IKZF2: variants seen among roughly 807,000 people sequenced by gnomAD.
The protein encoded by IKZF2 is zinc finger protein Helios.
A neutral mutation model predicts 49.2 loss-of-function variants in IKZF2; 15 were observed. The observed-to-expected ratio is 0.30, with a 90% CI of 0.20 to 0.47. The LOEUF (loss-of-function observed/expected upper bound fraction) is 0.47. Ranked by LOEUF, IKZF2 falls within the 20% of genes least tolerant of loss-of-function variation. The pLI, the probability that IKZF2 is intolerant of heterozygous loss-of-function variation, is 1.00. For synonymous variants in IKZF2, 227 were observed against 221.4 expected (o/e 1.03, Z -0.23); for missense variants, 567 against 664.6 (o/e 0.85, Z 1.61).
intron 4 of IKZF2, among the ~76,000 whole-genome samples, chr2:213,061,467 C>T (rs1290495380): frequency 6.7e-6 from 1 of 150,058 alleles, no homozygotes; most frequent in Non-Finnish European, 1.5e-5. Flanking sequence ...TGGACATTTT[C>T]TTTGCCACCA....
At chr2:213,043,803 T>A (rs12624170) in intron 6 of IKZF2, among the ~76,000 whole-genome samples, 1 of 151,994 alleles carries the variant, frequency 6.6e-6, no homozygotes, top group Non-Finnish European at 1.5e-5. Context: ...GCTTGCTCAC[T>A]GCTGCTCACC....
At chr2:213,020,481 AATCTCT>A (rs939543975) in intron 7 of IKZF2, among the ~76,000 whole-genome samples, 2 of 152,124 alleles carry the variant, frequency 1.3e-5, no homozygotes, top group African/African-American at 4.8e-5. Context: ...ACCATTTTGT[AATCTCT>A]ATGTTCCAGA....
chr2:213,059,993 T>TA (rs1326793068), intron 4 of IKZF2, among the ~76,000 whole-genome samples: 1 of 151,364 alleles, frequency 6.6e-6, no homozygotes, highest in African/African-American at 2.4e-5. Context: ...GCTGTATTTA[T>TA]ACAGTAAATC....
intron 4 of IKZF2, among the ~76,000 whole-genome samples, chr2:213,075,841 T>C (rs1385438218): frequency 6.6e-6 from 1 of 152,074 alleles, no homozygotes; most frequent in Non-Finnish European, 1.5e-5. Flanking sequence ...CTAAAGAATA[T>C]GGAAAGAAGA....
In IKZF2 at chr2:213,007,144, A is replaced by T; in HGVS notation, c.*216T>A. 1 of 484,470 alleles carries T rather than the reference A, an allele frequency of 2.1e-6. No individual in the cohort carries two copies. Among genetic ancestry groups the T allele is most frequent in the East Asian group, 3.3e-5 (1 of 30,214 alleles). The allele number at this position is 484,470 out of a possible 1,614,324, so 30.0% of individuals were successfully genotyped here. A position where few individuals can be genotyped will look rare whatever the true frequency, so the allele number is the denominator to read the frequency against. Reference sequence around the variant, plus strand: ...AAAATAAACAAGCCAGGTGATAAAGAAACAATATTCCCGCCCCTTCTCTCT... The same window carrying T: ...AAAATAAACAAGCCAGGTGATAAAGTAACAATATTCCCGCCCCTTCTCTCT... On this transcript the variant is annotated 3_prime_UTR_variant, in exon 9 of 9. Coordinates refer to ENST00000434687, the MANE Select transcript of IKZF2 (RefSeq NM_001387220.1).
At chr2:213,017,099 T>C (rs1438369844) in intron 7 of IKZF2, 1 of 152,206 alleles carries the variant, frequency 6.6e-6, no homozygotes, top group African/African-American at 2.4e-5. Flanking sequence ...CATTTGGCAG[T>C]GCTGACACTT....
At position 213,007,333 on chromosome 2, in the gene IKZF2, T is replaced by C. The variant is rs1336740193; in HGVS notation, c.*27A>G. 2 of 1,603,624 alleles carry C rather than the reference T, an allele frequency of 1.2e-6. No individual in the cohort carries two copies. Among genetic ancestry groups the C allele is most frequent in the Non-Finnish European group, 1.7e-6 (2 of 1,175,180 alleles). On this transcript the variant is annotated 3_prime_UTR_variant, in exon 9 of 9. Coordinates refer to ENST00000434687, the MANE Select transcript of IKZF2 (RefSeq NM_001387220.1). ...TCTTCATGTGCAGTTCTTTACTTCATAGGGGTCCCCTTTGGAATGAAAAGG... is the reference window on the plus strand; with the variant it reads ...TCTTCATGTGCAGTTCTTTACTTCACAGGGGTCCCCTTTGGAATGAAAAGG...
intron 4 of IKZF2, among the ~76,000 whole-genome samples, chr2:213,129,463 C>T (rs893287576): frequency 2.0e-5 from 3 of 150,696 alleles, no homozygotes; most frequent in South Asian, 2.1e-4. Context: ...TAGACAGGAA[C>T]GAACTTGCCA....
intron 6 of IKZF2, among the ~76,000 whole-genome samples, chr2:213,049,121 T>C (rs1441173): frequency 0.58 from 88,147 of 151,718 alleles, 26,514 homozygotes; most frequent in East Asian, 0.77. Context: ...GAATTTGTCA[T>C]ATTCTACATT....
At chr2:213,127,207 G>A (rs1450491617) in intron 4 of IKZF2, among the ~76,000 whole-genome samples, 2 of 152,152 alleles carry the variant, frequency 1.3e-5, no homozygotes, top group African/African-American at 4.8e-5. Flanking sequence ...AATAAAATGG[G>A]TATAAGGCAG....
At chr2:213,114,136 A>G (rs1574893228) in intron 4 of IKZF2, among the ~76,000 whole-genome samples, 2 of 152,262 alleles carry the variant, frequency 1.3e-5, no homozygotes, top group East Asian at 1.9e-4. Context: ...CAGTGTTTAT[A>G]TTTGCTAAGG....
chr2:213,143,330 G>GT (rs1268767057), intron 4 of IKZF2, among the ~76,000 whole-genome samples: 1 of 151,866 alleles, frequency 6.6e-6, no homozygotes, highest in Non-Finnish European at 1.5e-5. Context: ...ACGTTGTTTT[G>GT]TTTTTTGAAA....
At chr2:213,049,352 G>A (rs149031962) in intron 6 of IKZF2, among the ~76,000 whole-genome samples, 54 of 152,132 alleles carry the variant, frequency 3.5e-4, no homozygotes, top group African/African-American at 1.1e-3. Flanking sequence ...TTCCTCTACA[G>A]TAACTCGAAA....
At chr2:213,036,283 T>C (rs996689708) in intron 6 of IKZF2, among the ~76,000 whole-genome samples, 3 of 152,180 alleles carry the variant, frequency 2.0e-5, no homozygotes, top group East Asian at 1.9e-4. Context: ...ATACATGTAA[T>C]ATGTAAAATG....
intron 5 of IKZF2, among the ~76,000 whole-genome samples, chr2:213,054,185 A>G (rs1259390762): frequency 2.0e-5 from 3 of 152,100 alleles, no homozygotes; most frequent in African/African-American, 7.2e-5. Context: ...TGGAGGGTGC[A>G]GTGATCCAAG....
rs573187664 is a variant in IKZF2, at chr2:213,140,775, T to C, written c.139+6933A>G. Reference sequence around the variant, plus strand: ...AAGCCTGTGCACATAAAACTCAATATAGAATTTTGATTTAATGGGGCAATT... The same window carrying C: ...AAGCCTGTGCACATAAAACTCAATACAGAATTTTGATTTAATGGGGCAATT... On this transcript the variant is annotated intron_variant, in intron 4 of 8. Transcript: ENST00000434687. Among the ~76,000 whole-genome samples the C allele has an allele frequency of 2.2e-4, 34 of 152,074 alleles. No individual in the cohort carries two copies. The South Asian group carries it at 6.8e-3, about 31-fold the overall frequency.
intron 4 of IKZF2, among the ~76,000 whole-genome samples, chr2:213,086,972 G>C (rs1169959186): frequency 1.3e-5 from 2 of 152,030 alleles, no homozygotes; most frequent in Non-Finnish European, 2.9e-5. Context: ...GCTCCATAAA[G>C]ATCTCCCTGT....
chr2:213,041,618 C>T (rs1699663775), intron 6 of IKZF2, among the ~76,000 whole-genome samples: 1 of 152,136 alleles, frequency 6.6e-6, no homozygotes, highest in Non-Finnish European at 1.5e-5. Context: ...TGACTGTAAT[C>T]TTTAGCTGAT....
intron 4 of IKZF2, among the ~76,000 whole-genome samples, chr2:213,070,553 G>C (rs1395761670): frequency 6.6e-6 from 1 of 151,950 alleles, no homozygotes; most frequent in East Asian, 1.9e-4. Flanking sequence ...AAACAAATAA[G>C]CAAATCAATT....
Sources: gnomAD v4.1 joint callset for allele counts (sites outside exome capture counted in the v4.1 genomes callset) on GRCh38, gnomAD v4.1.1 for gene constraint, MANE v1.5 for transcripts, NCBI Gene and HGNC (gene_info 2026-07-23, HGNC 2026-07-21) for gene names.